KCNN2: variants seen among roughly 807,000 people sequenced by gnomAD.
The protein encoded by KCNN2 is small conductance calcium-activated potassium channel protein 2.
A neutral mutation model predicts 55.5 loss-of-function variants in KCNN2; 24 were observed. That is an observed-to-expected ratio of 0.43 (90% CI 0.31 to 0.61). KCNN2 has a LOEUF of 0.61. Among genes scored for constraint, KCNN2 ranks in the 20% least tolerant of loss-of-function variants. KCNN2 has a pLI of 0.08. For missense variants in KCNN2, 754 were observed against 853.6 expected (o/e 0.88, Z 1.45); for synonymous variants, 431 against 336.1 (o/e 1.28, Z -3.09).
chr5:114,226,105 A>G (rs1391586707), intron 2 of KCNN2, among the ~76,000 whole-genome samples: 2 of 107,406 alleles, frequency 1.9e-5, no homozygotes, highest in African/African-American at 7.3e-5. Flanking sequence ...TCGAAAGAAG[A>G]GAAAGCATTC....
At chr5:114,351,483 T>G (rs1757202613) in intron 2 of KCNN2, among the ~76,000 whole-genome samples, 2 of 151,758 alleles carry the variant, frequency 1.3e-5, no homozygotes, top group Admixed American at 6.6e-5. Flanking sequence ...ATACAATGTT[T>G]AATAAAAGTG....
intron 1 of KCNN2, among the ~76,000 whole-genome samples, chr5:114,082,446 T>A (rs975894029): frequency 4.6e-5 from 7 of 152,178 alleles, no homozygotes; most frequent in African/African-American, 1.4e-4. Context: ...AAACAAGTGT[T>A]GACATAGATG....
At chr5:114,386,964 T>C (rs1460171438) in intron 2 of KCNN2, among the ~76,000 whole-genome samples, 2 of 152,218 alleles carry the variant, frequency 1.3e-5, no homozygotes, top group Non-Finnish European at 2.9e-5. Context: ...ACTTTTGTGT[T>C]AGGCCAGTTA....
intron 2 of KCNN2, among the ~76,000 whole-genome samples, chr5:114,325,066 A>G (rs1756689648): frequency 6.6e-6 from 1 of 152,198 alleles, no homozygotes; most frequent in Non-Finnish European, 1.5e-5. Flanking sequence ...TAGTGTCAGA[A>G]AACTAAGCAG....
chr5:114,284,049 G>T (rs1396481504), intron 2 of KCNN2, among the ~76,000 whole-genome samples: 1 of 152,150 alleles, frequency 6.6e-6, no homozygotes. Context: ...TGTTTCTGGT[G>T]ACTTCAGGAC....
chr5:114,141,644 C>A (rs561039582), intron 1 of KCNN2, among the ~76,000 whole-genome samples: 1 of 152,276 alleles, frequency 6.6e-6, no homozygotes, highest in East Asian at 1.9e-4. Flanking sequence ...TGGGTATATA[C>A]CCAGTAATGG....
chr5:114,237,389 C>T (rs1754524748), intron 2 of KCNN2, among the ~76,000 whole-genome samples: 1 of 151,998 alleles, frequency 6.6e-6, no homozygotes, highest in Admixed American at 6.6e-5. Flanking sequence ...ATGTAAGCCC[C>T]TAGAACTTCC....
chr5:114,151,639 A>T (rs1752526822), intron 1 of KCNN2, among the ~76,000 whole-genome samples: 1 of 152,184 alleles, frequency 6.6e-6, no homozygotes, highest in African/African-American at 2.4e-5. Flanking sequence ...TTCAAATAAA[A>T]GGTTAGTGAT....
intron 1 of KCNN2, among the ~76,000 whole-genome samples, chr5:114,071,970 T>A (rs1024148925): frequency 1.3e-5 from 2 of 152,090 alleles, no homozygotes; most frequent in Non-Finnish European, 2.9e-5. Flanking sequence ...GGGAGTGGAT[T>A]AGTTATTGTG....
intron 1 of KCNN2, among the ~76,000 whole-genome samples, chr5:114,179,398 AT>A (rs1377426970): frequency 6.6e-6 from 1 of 152,192 alleles, no homozygotes; most frequent in Non-Finnish European, 1.5e-5. Context: ...CCCCAGAGTG[AT>A]ATAAGAGAAA....
chr5:114,220,163 C>A (rs1754102246), intron 1 of KCNN2, among the ~76,000 whole-genome samples: 1 of 152,010 alleles, frequency 6.6e-6, no homozygotes. Flanking sequence ...ATGTTGCAAG[C>A]CAAACCTATA....
chr5:114,262,165 A>G (rs371061497), intron 2 of KCNN2, among the ~76,000 whole-genome samples: 12 of 152,238 alleles, frequency 7.9e-5, no homozygotes, highest in African/African-American at 2.9e-4. Context: ...CTTCGTTTCT[A>G]TGTTTATCTC....
intron 1 of KCNN2, among the ~76,000 whole-genome samples, chr5:114,100,849 A>C (rs539897894): frequency 6.6e-6 from 1 of 152,158 alleles, no homozygotes; most frequent in Non-Finnish European, 1.5e-5. Context: ...AGGTTTGAAC[A>C]GGAAAAGAAT....
chr5:114,334,398 T>C (rs1257024209), intron 2 of KCNN2, among the ~76,000 whole-genome samples: 1 of 151,708 alleles, frequency 6.6e-6, no homozygotes, highest in Non-Finnish European at 1.5e-5. Flanking sequence ...AAAATGGGGA[T>C]AAGTCCAGTA....
chr5:114,373,655 T>G (rs1396387617), intron 2 of KCNN2, among the ~76,000 whole-genome samples: 1 of 117,284 alleles, frequency 8.5e-6, no homozygotes, highest in Non-Finnish European at 1.8e-5. Context: ...TATATATATA[T>G]ATAAAATTAC....
At chr5:114,154,110 T>C (rs1242114353) in intron 1 of KCNN2, among the ~76,000 whole-genome samples, 1 of 152,128 alleles carries the variant, frequency 6.6e-6, no homozygotes, top group Non-Finnish European at 1.5e-5. Context: ...AAACCCTTCA[T>C]GTTTTACTCC....
chr5:114,174,656 C>T (rs1394476862), intron 1 of KCNN2, among the ~76,000 whole-genome samples: 4 of 148,298 alleles, frequency 2.7e-5, no homozygotes, highest in Admixed American at 2.7e-4. Flanking sequence ...TGAAAAACCT[C>T]TGTGTTTGGC....
chr5:114,175,791 C>A (rs1235826394), intron 1 of KCNN2, among the ~76,000 whole-genome samples: 1 of 152,084 alleles, frequency 6.6e-6, no homozygotes, highest in Non-Finnish European at 1.5e-5. Flanking sequence ...GTTGCAATTG[C>A]ACTTTAGTTG....
At chr5:114,282,721 T>C (rs1340198702) in intron 2 of KCNN2, among the ~76,000 whole-genome samples, 1 of 152,154 alleles carries the variant, frequency 6.6e-6, no homozygotes, top group African/African-American at 2.4e-5. Context: ...CTCTGTCTTC[T>C]TTTTCCTGTT....
Sources: gnomAD v4.1 joint callset for allele counts (sites outside exome capture counted in the v4.1 genomes callset) on GRCh38, gnomAD v4.1.1 for gene constraint, MANE v1.5 for transcripts, NCBI Gene and HGNC (gene_info 2026-07-23, HGNC 2026-07-21) for gene names.